ADAMTSL3: variants seen among roughly 807,000 people sequenced by gnomAD.
ADAMTSL3 encodes the protein ADAMTS like 3.
ADAMTSL3 carries 128 observed loss-of-function variants against 201.7 expected under a neutral mutation model. The observed-to-expected ratio is 0.63, with a 90% CI of 0.55 to 0.73. ADAMTSL3 has a LOEUF of 0.73. ADAMTSL3 is among the 30% of genes least tolerant of loss of function. The pLI is 0.00. For missense variants in ADAMTSL3, 1,990 were observed against 2,119.6 expected (o/e 0.94, Z 1.20); for synonymous variants, 738 against 748.4 (o/e 0.99, Z 0.23).
intron 2 of ADAMTSL3, among the ~76,000 whole-genome samples, chr15:83,689,152 A>G (rs11853263): frequency 0.28 from 42,613 of 152,138 alleles, 6,192 homozygotes; most frequent in South Asian, 0.49. Flanking sequence ...AAATGTATAT[A>G]CAAAAGAATT....
chr15:83,903,169 G>T (rs1394202761), intron 15 of ADAMTSL3, among the ~76,000 whole-genome samples: 1 of 151,248 alleles, frequency 6.6e-6, no homozygotes, highest in African/African-American at 2.4e-5. Context: ...GTGATTTCCA[G>T]GCCCCACTGA....
At chr15:83,741,566 A>G (rs745959702) in intron 3 of ADAMTSL3, among the ~76,000 whole-genome samples, 53 of 152,230 alleles carry the variant, frequency 3.5e-4, no homozygotes, top group Non-Finnish European at 5.1e-4. Flanking sequence ...ATTATAAGAA[A>G]TAAGTGGTAT....
At chr15:83,997,394 C>T (rs1272651113) in intron 23 of ADAMTSL3, among the ~76,000 whole-genome samples, 1 of 152,108 alleles carries the variant, frequency 6.6e-6, no homozygotes. Flanking sequence ...TTGAGACCAG[C>T]CTGGCCAATA....
At chr15:83,687,215 AAAATT>A (rs1289312501) in intron 2 of ADAMTSL3, among the ~76,000 whole-genome samples, 5 of 152,210 alleles carry the variant, frequency 3.3e-5, no homozygotes, top group Non-Finnish European at 7.3e-5. Flanking sequence ...AAAATAAAAT[AAAATT>A]AAATTAAGTT....
At chr15:83,923,857 T>A in intron 16 of ADAMTSL3, 47 bp from the exon 17 acceptor site, 1 of 1,606,852 alleles carries the variant, frequency 6.2e-7, no homozygotes, top group South Asian at 1.1e-5. Context: ...TTTTCCACAA[T>A]AAATTATTCC....
chr15:83,779,319 C>T (rs2063128793), intron 4 of ADAMTSL3, among the ~76,000 whole-genome samples: 1 of 152,178 alleles, frequency 6.6e-6, no homozygotes, highest in African/African-American at 2.4e-5. Flanking sequence ...ACATTCTTCT[C>T]ATCACCACAT....
chr15:83,885,480 T>G (rs1208619826), intron 10 of ADAMTSL3, among the ~76,000 whole-genome samples: 1 of 152,176 alleles, frequency 6.6e-6, no homozygotes, highest in East Asian at 1.9e-4. Flanking sequence ...ACAAACTTGT[T>G]TTCATGTGTT....
At position 84,039,424 on chromosome 15, in the gene ADAMTSL3, T is replaced by A. The variant is rs2068566763; in HGVS notation, c.*1618T>A. 6.6e-6 allele frequency: 1 copy of A among 152,624 alleles called. No homozygotes were observed. 9.5% of individuals were successfully genotyped at this position (152,624 alleles called of 1,614,324 possible). A position where few individuals can be genotyped will look rare whatever the true frequency, so the allele number is the denominator to read the frequency against. ...TACTGTATGTGGAGGGTTTGGTGATTGGGAATGGATGGGGGACAGTGAGGA... is the reference window on the plus strand; with the variant it reads ...TACTGTATGTGGAGGGTTTGGTGATAGGGAATGGATGGGGGACAGTGAGGA... On this transcript the variant is annotated 3_prime_UTR_variant, in exon 30 of 30. Coordinates refer to ENST00000286744, the MANE Select transcript of ADAMTSL3 (RefSeq NM_207517.3).
At chr15:83,668,333 G>T (rs536899840) in intron 2 of ADAMTSL3, among the ~76,000 whole-genome samples, 1 of 150,854 alleles carries the variant, frequency 6.6e-6, no homozygotes, top group African/African-American at 2.4e-5. Flanking sequence ...TATTGATTCT[G>T]TTTTTTTGGT....
chr15:83,701,582 A>C (rs182121425), intron 2 of ADAMTSL3, among the ~76,000 whole-genome samples: 3 of 152,154 alleles, frequency 2.0e-5, no homozygotes, highest in Admixed American at 2.0e-4. Flanking sequence ...ATCATGGGGG[A>C]GGTATCCCCC....
At chr15:83,958,843 A>G (rs547103864) in intron 19 of ADAMTSL3, among the ~76,000 whole-genome samples, 1 of 152,284 alleles carries the variant, frequency 6.6e-6, no homozygotes, top group Admixed American at 6.5e-5. Flanking sequence ...CTAAGGGTAA[A>G]TTTCTCAGAA....
chr15:83,681,796 C>T (rs1288655086), intron 2 of ADAMTSL3, among the ~76,000 whole-genome samples: 6 of 152,098 alleles, frequency 3.9e-5, no homozygotes, highest in Non-Finnish European at 7.4e-5. Flanking sequence ...TTCCCGTCTC[C>T]CCTGTGCCCT....
chr15:83,880,802 T>C (rs983759143), intron 9 of ADAMTSL3, among the ~76,000 whole-genome samples: 1 of 152,198 alleles, frequency 6.6e-6, no homozygotes. Flanking sequence ...GAAACAAGAC[T>C]GAAGCCAAGG....
At chr15:83,858,187 G>A (rs1596321644) in intron 7 of ADAMTSL3, among the ~76,000 whole-genome samples, 1 of 152,230 alleles carries the variant, frequency 6.6e-6, no homozygotes, top group African/African-American at 2.4e-5. Context: ...GATGTGGCTA[G>A]ATTTGGCCCA....
At chr15:83,921,241 C>T (rs1045304448) in intron 16 of ADAMTSL3, among the ~76,000 whole-genome samples, 23 of 152,070 alleles carry the variant, frequency 1.5e-4, no homozygotes, top group African/African-American at 5.6e-4. Flanking sequence ...AGAATGTTAC[C>T]TGCATAATTT....
chr15:83,960,645 G>T (rs1203349841), intron 19 of ADAMTSL3, among the ~76,000 whole-genome samples: 1 of 152,130 alleles, frequency 6.6e-6, no homozygotes, highest in Non-Finnish European at 1.5e-5. Flanking sequence ...GGGAGGGGCA[G>T]CAATTGTTGG....
intron 6 of ADAMTSL3, among the ~76,000 whole-genome samples, chr15:83,823,036 A>C (rs2063919037): frequency 6.6e-6 from 1 of 152,076 alleles, no homozygotes; most frequent in African/African-American, 2.4e-5. Context: ...CCACCAAAAA[A>C]ATACGAAAAC....
chr15:83,921,893 C>T (rs1312852805), intron 16 of ADAMTSL3, among the ~76,000 whole-genome samples: 2 of 151,270 alleles, frequency 1.3e-5, no homozygotes, highest in East Asian at 3.9e-4. Flanking sequence ...ACTATGTTGC[C>T]ACAAGCTATA....
intron 5 of ADAMTSL3, among the ~76,000 whole-genome samples, chr15:83,813,503 A>T (rs2063728409): frequency 6.6e-6 from 1 of 152,204 alleles, no homozygotes; most frequent in Non-Finnish European, 1.5e-5. Context: ...TTCACAGCAC[A>T]TAGATGAAGA....
Sources: gnomAD v4.1 joint callset for allele counts (sites outside exome capture counted in the v4.1 genomes callset) on GRCh38, gnomAD v4.1.1 for gene constraint, MANE v1.5 for transcripts, NCBI Gene and HGNC (gene_info 2026-07-23, HGNC 2026-07-21) for gene names.